Variants in TPRG1 observed in about 807,000 individuals in gnomAD.
TPRG1 encodes tumor protein p63 regulated 1, also known as tumor protein p63-regulated gene 1 protein.
A neutral mutation model predicts 29.3 loss-of-function variants in TPRG1; 29 were observed. The observed-to-expected ratio is 0.99, with a 90% CI of 0.74 to 1.35. The LOEUF (loss-of-function observed/expected upper bound fraction) is 1.35. Ranked by LOEUF, TPRG1 falls within the 40% of genes most tolerant of loss-of-function variation. TPRG1 has a pLI of 0.00. For synonymous variants in TPRG1, 130 were observed against 116.8 expected (o/e 1.11, Z -0.73); for missense variants, 327 against 335.0 (o/e 0.98, Z 0.19).
chr3:189,211,212 A>G (rs868292569), intron 2 of TPRG1, among the ~76,000 whole-genome samples: 1 of 152,154 alleles, frequency 6.6e-6, no homozygotes, highest in African/African-American at 2.4e-5. Flanking sequence ...ATAATATCCA[A>G]CTATGGGAAT....
chr3:189,300,023 G>A (rs1720592091), intron 4 of TPRG1, among the ~76,000 whole-genome samples: 1 of 152,198 alleles, frequency 6.6e-6, no homozygotes, highest in Non-Finnish European at 1.5e-5. Context: ...GCAAGGTAGA[G>A]AGCAGATTAA....
chr3:189,127,459 A>T (rs1434624191), intron 2 of TPRG1, among the ~76,000 whole-genome samples: 1 of 152,206 alleles, frequency 6.6e-6, no homozygotes, highest in Non-Finnish European at 1.5e-5. Context: ...GCCACAGTGT[A>T]TATTATAACC....
At chr3:189,172,604 T>C (rs1291848240) in intron 1 of TPRG1, among the ~76,000 whole-genome samples, 3 of 152,166 alleles carry the variant, frequency 2.0e-5, no homozygotes, top group Non-Finnish European at 4.4e-5. Context: ...TTCTGAACCG[T>C]TAAATGGCAA....
At chr3:189,260,333 T>C (rs1271765109) in intron 4 of TPRG1, among the ~76,000 whole-genome samples, 2 of 152,310 alleles carry the variant, frequency 1.3e-5, no homozygotes, top group Middle Eastern at 6.8e-3. Flanking sequence ...GGGACCTGGG[T>C]CCTGATACAT....
chr3:189,204,394 T>G (rs1157096243), intron 1 of TPRG1, among the ~76,000 whole-genome samples: 1 of 152,144 alleles, frequency 6.6e-6, no homozygotes, highest in Non-Finnish European at 1.5e-5. Flanking sequence ...TGTGTAGATG[T>G]GCAGCACGCT....
chr3:189,169,905 C>T (rs4687026), upstream of TPRG1, among the ~76,000 whole-genome samples: 43,981 of 151,988 alleles, frequency 0.29, 6,766 homozygotes, highest in South Asian at 0.41. Flanking sequence ...ACTCCTACTG[C>T]TTGTGCCCCT....
intron 4 of TPRG1, among the ~76,000 whole-genome samples, chr3:189,255,633 G>T (rs1464646372): frequency 6.6e-6 from 1 of 152,166 alleles, no homozygotes; most frequent in Non-Finnish European, 1.5e-5. Flanking sequence ...GTAGAATTCG[G>T]CTGTGAAGCC....
intron 4 of TPRG1, among the ~76,000 whole-genome samples, chr3:189,075,448 T>G (rs1160202745): frequency 2.0e-5 from 3 of 152,224 alleles, no homozygotes; most frequent in Non-Finnish European, 4.4e-5. Context: ...TGCTCTGATT[T>G]TTTTGCTTCA....
chr3:189,275,091 AG>A (rs985837588), intron 4 of TPRG1, among the ~76,000 whole-genome samples: 1 of 152,020 alleles, frequency 6.6e-6, no homozygotes, highest in African/African-American at 2.4e-5. Flanking sequence ...TCTAAGTAGA[AG>A]GGAACAGAAT....
chr3:189,130,203 C>T (rs1373745695), intron 2 of TPRG1, among the ~76,000 whole-genome samples: 2 of 152,028 alleles, frequency 1.3e-5, no homozygotes, highest in Non-Finnish European at 2.9e-5. Flanking sequence ...TGCATAGTAC[C>T]GAGTATGTTG....
chr3:189,262,892 G>A (rs1019785008), intron 4 of TPRG1, among the ~76,000 whole-genome samples: 3 of 152,232 alleles, frequency 2.0e-5, no homozygotes, highest in Non-Finnish European at 2.9e-5. Context: ...CTGGCCAGAG[G>A]TATCAGTTCC....
At chr3:189,299,533 C>T (rs1419984978) in intron 4 of TPRG1, among the ~76,000 whole-genome samples, 1 of 151,920 alleles carries the variant, frequency 6.6e-6, no homozygotes, top group Non-Finnish European at 1.5e-5. Context: ...AACAGAACAA[C>T]TCAGAAATAT....
chr3:189,211,785 C>T (rs1735304535), intron 2 of TPRG1: 1 of 152,136 alleles, frequency 6.6e-6, no homozygotes, highest in African/African-American at 2.4e-5. Flanking sequence ...AACCCAGGAC[C>T]CTCGATGCTT....
intron 5 of TPRG1, among the ~76,000 whole-genome samples, chr3:189,311,002 C>T (rs1384676836): frequency 1.3e-5 from 2 of 152,060 alleles, no homozygotes; most frequent in Non-Finnish European, 2.9e-5. Flanking sequence ...CTCACTGGAC[C>T]ATTATAAGGT....
chr3:189,126,212 C>T (rs1270749280), intron 1 of TPRG1, among the ~76,000 whole-genome samples: 1 of 152,100 alleles, frequency 6.6e-6, no homozygotes, highest in Non-Finnish European at 1.5e-5. Context: ...CTTTGTTCCA[C>T]ATAAAATAAG....
At chr3:189,138,482 C>T (rs1724068732) in intron 3 of TPRG1, among the ~76,000 whole-genome samples, 1 of 152,184 alleles carries the variant, frequency 6.6e-6, no homozygotes, top group African/African-American at 2.4e-5. Context: ...AGTTATGCTC[C>T]AGGCAGTCAT....
chr3:189,146,927 T>C (rs16864017), intron 3 of TPRG1, among the ~76,000 whole-genome samples: 52,043 of 152,118 alleles, frequency 0.34, 9,163 homozygotes, highest in Admixed American at 0.45. Flanking sequence ...TTATTTAGTA[T>C]ATGGACACAG....
chr3:189,128,475 G>C (rs1273044144), intron 2 of TPRG1, among the ~76,000 whole-genome samples: 1 of 152,098 alleles, frequency 6.6e-6, no homozygotes, highest in Non-Finnish European at 1.5e-5. Flanking sequence ...TAAAAAAGTT[G>C]TTTATCTGAA....
At chr3:189,043,945 T>C (rs1714797187) in intron 4 of TPRG1, among the ~76,000 whole-genome samples, 1 of 152,160 alleles carries the variant, frequency 6.6e-6, no homozygotes, top group Non-Finnish European at 1.5e-5. Context: ...TACCCAGTAG[T>C]GAGACTAAGA....
Sources: allele counts gnomAD v4.1 joint callset (sites outside exome capture counted in the v4.1 genomes callset), GRCh38; gene constraint gnomAD v4.1.1; transcripts MANE v1.5; gene names NCBI Gene and HGNC (gene_info 2026-07-23, HGNC 2026-07-21).